SEMA6D: variants seen among roughly 807,000 people sequenced by gnomAD.
SEMA6D encodes the protein semaphorin 6D, also known as semaphorin-6D.
A neutral mutation model predicts 106.6 loss-of-function variants in SEMA6D; 35 were observed. That is an observed-to-expected ratio of 0.33 (90% confidence interval 0.25 to 0.44). The LOEUF is 0.44. SEMA6D is among the 20% of genes least tolerant of loss of function. The pLI is 1.00. For missense variants in SEMA6D, 1,185 were observed against 1,345.9 expected (o/e 0.88, Z 1.87); for synonymous variants, 499 against 487.7 (o/e 1.02, Z -0.31).
chr15:47,743,824 C>T (rs942355453), intron 1 of SEMA6D, among the ~76,000 whole-genome samples: 2 of 152,150 alleles, frequency 1.3e-5, no homozygotes, highest in African/African-American at 4.8e-5. Context: ...AAATGCTGTC[C>T]TCTGGTCCCT....
intron 1 of SEMA6D, among the ~76,000 whole-genome samples, chr15:47,732,720 C>T (rs1264438456): frequency 6.6e-6 from 1 of 152,004 alleles, no homozygotes; most frequent in African/African-American, 2.4e-5. Flanking sequence ...GGTGTTTGGC[C>T]AGCAATGTTT....
At chr15:47,364,896 T>C (rs983237945) in intron 1 of SEMA6D, among the ~76,000 whole-genome samples, 1 of 152,106 alleles carries the variant, frequency 6.6e-6, no homozygotes, top group African/African-American at 2.4e-5. Context: ...AGTAGGAGTA[T>C]TGCACTCCAA....
At chr15:47,205,817 A>T (rs11070573) in intron 1 of SEMA6D, among the ~76,000 whole-genome samples, 10,285 of 152,244 alleles carry the variant, frequency 0.068, 1,294 homozygotes, top group East Asian at 0.6. Context: ...ATTTTATGTT[A>T]TAGTTTATCA....
At chr15:47,678,941 GC>G (rs2078295574) in intron 4 of SEMA6D, among the ~76,000 whole-genome samples, 1 of 152,162 alleles carries the variant, frequency 6.6e-6, no homozygotes, top group African/African-American at 2.4e-5. Context: ...GGGAATGAAA[GC>G]CAGGATGTCT....
chr15:47,731,634 G>T (rs1257191147), intron 1 of SEMA6D, among the ~76,000 whole-genome samples: 1 of 152,206 alleles, frequency 6.6e-6, no homozygotes, highest in Non-Finnish European at 1.5e-5. Context: ...AGGCAGATAA[G>T]TAACTTCCAA....
intron 1 of SEMA6D, among the ~76,000 whole-genome samples, chr15:47,722,208 C>T (rs570770492): frequency 6.6e-6 from 1 of 152,160 alleles, no homozygotes; most frequent in African/African-American, 2.4e-5. Context: ...AAGATCAAAC[C>T]ACCAGAATCA....
At chr15:47,218,589 T>C (rs886424847) in intron 1 of SEMA6D, among the ~76,000 whole-genome samples, 1 of 152,206 alleles carries the variant, frequency 6.6e-6, no homozygotes, top group African/African-American at 2.4e-5. Flanking sequence ...TCAGTCATGC[T>C]TTTCACTGCC....
At chr15:47,487,838 AG>A (rs1433931016) in intron 3 of SEMA6D, among the ~76,000 whole-genome samples, 1 of 152,152 alleles carries the variant, frequency 6.6e-6, no homozygotes, top group Admixed American at 6.5e-5. Flanking sequence ...TTGCTTATGA[AG>A]GTTCTTTCAA....
chr15:47,637,789 A>G (rs2077417100), intron 4 of SEMA6D, among the ~76,000 whole-genome samples: 1 of 152,220 alleles, frequency 6.6e-6, no homozygotes, highest in South Asian at 2.1e-4. Context: ...CCAAGTCTTC[A>G]TGGGGAATAT....
At position 47,378,916 on chromosome 15, in the gene SEMA6D, G is replaced by A. The variant is rs191143676; in HGVS notation, c.-238-33477G>A. On this transcript the variant is annotated intron_variant, in intron 1 of 19. Transcript: ENST00000558014. The stretch of plus-strand genomic sequence containing the variant: ...TGACAGTCAAGGTAAGCAGTTTGTC[G>A]TCAGTTGGCAAGGGATCTCGGAAGA... Among the ~76,000 whole-genome samples, 6 of 152,276 alleles carry A rather than the reference G, an allele frequency of 3.9e-5. No individual in the cohort carries two copies. In the East Asian group the frequency reaches 7.7e-4, roughly 20 times the overall value.
chr15:47,323,526 G>A (rs942662187), intron 1 of SEMA6D, among the ~76,000 whole-genome samples: 4 of 152,174 alleles, frequency 2.6e-5, no homozygotes, highest in Admixed American at 6.5e-5. Context: ...CATTTGACTG[G>A]TTAAAAGGCA....
At chr15:47,631,509 A>T (rs2077292473) in intron 4 of SEMA6D, among the ~76,000 whole-genome samples, 1 of 151,940 alleles carries the variant, frequency 6.6e-6, no homozygotes, top group Non-Finnish European at 1.5e-5. Flanking sequence ...CAAGTAAGTT[A>T]AATATCTTGA....
At chr15:47,220,610 T>C (rs1377663462) in intron 1 of SEMA6D, among the ~76,000 whole-genome samples, 1 of 152,120 alleles carries the variant, frequency 6.6e-6, no homozygotes, top group Non-Finnish European at 1.5e-5. Context: ...CAAATTGTCT[T>C]ATTAAAAAAC....
intron 1 of SEMA6D, among the ~76,000 whole-genome samples, chr15:47,238,654 G>T (rs542120425): frequency 6.6e-6 from 1 of 152,030 alleles, no homozygotes; most frequent in Admixed American, 6.6e-5. Flanking sequence ...GTTAAAGGAC[G>T]TTTAGACAAA....
intron 1 of SEMA6D, among the ~76,000 whole-genome samples, chr15:47,204,699 T>C (rs986684108): frequency 1.3e-5 from 2 of 152,118 alleles, no homozygotes; most frequent in African/African-American, 4.8e-5. Context: ...TCTGATAAAT[T>C]ATAGAACTTC....
At chr15:47,394,041 T>A (rs2040127323) in intron 1 of SEMA6D, among the ~76,000 whole-genome samples, 1 of 152,174 alleles carries the variant, frequency 6.6e-6, no homozygotes, top group Admixed American at 6.6e-5. Context: ...CTGGTTCTTA[T>A]ACCTACTCTC....
intron 4 of SEMA6D, among the ~76,000 whole-genome samples, chr15:47,628,370 A>G (rs536725921): frequency 1.9e-3 from 285 of 152,210 alleles, no homozygotes; most frequent in Non-Finnish European, 3.3e-3. Flanking sequence ...ACCATTTTCT[A>G]TTCTGACCAG....
At chr15:47,372,076 C>T (rs1328282755) in intron 1 of SEMA6D, among the ~76,000 whole-genome samples, 6 of 152,204 alleles carry the variant, frequency 3.9e-5, no homozygotes, top group Non-Finnish European at 1.5e-5. Flanking sequence ...AGCAATTCTA[C>T]CTTTTTCAGT....
At chr15:47,653,573 A>G (rs2077733988) in intron 4 of SEMA6D, among the ~76,000 whole-genome samples, 1 of 152,214 alleles carries the variant, frequency 6.6e-6, no homozygotes, top group Admixed American at 6.5e-5. Flanking sequence ...TCTAGGAGCC[A>G]CTTAGAGACC....
Sources: allele counts gnomAD v4.1 joint callset (sites outside exome capture counted in the v4.1 genomes callset), GRCh38; gene constraint gnomAD v4.1.1; transcripts MANE v1.5; gene names NCBI Gene and HGNC (gene_info 2026-07-23, HGNC 2026-07-21).